The following PRKCE variants were observed in gnomAD, a reference collection of about 807,000 sequenced individuals.
PRKCE encodes protein kinase C epsilon type.
A neutral mutation model predicts 85.4 loss-of-function variants in PRKCE; 16 were observed. The observed-to-expected ratio is 0.19, with a 90% CI of 0.13 to 0.28. The LOEUF (loss-of-function observed/expected upper bound fraction) is 0.28, where lower values mean the gene tolerates loss of function less well. PRKCE is among the 10% of genes least tolerant of loss of function. PRKCE has a pLI of 1.00. For missense variants in PRKCE, 573 were observed against 975.2 expected, an observed-to-expected ratio of 0.59 and a Z score of 5.49; for synonymous variants, 388 against 371.5, an observed-to-expected ratio of 1.04 and a Z score of -0.51.
At chr2:46,081,524 G>A (rs1442323845) in intron 10 of PRKCE, among the ~76,000 whole-genome samples, 2 of 152,210 alleles carry the variant, frequency 1.3e-5, no homozygotes, top group African/African-American at 4.8e-5. Flanking sequence ...TGTGCTGAAT[G>A]CTACAACAGA....
In PRKCE at chr2:45,652,207, T is replaced by G; in HGVS notation, c.107T>G (p.Phe36Cys). The stretch of plus-strand genomic sequence containing the variant: ...GCGGTGGGACCCCGGCCGCAGACTT[T>G]CCTTCTCGACCCCTACATTGCCCTC... ...RHAVGPRPQT[F>C]LLDPYIALNV... Residue 36 changes from phenylalanine to cysteine, a missense_variant, in exon 1 of 15, where the codon TTC becomes TGC. By Grantham distance (205) the Phe-to-Cys change is radical. This residue lies in a region of PRKCE where 100 missense variants were observed against 177.1 expected (regional missense o/e 0.56). Coordinates refer to ENST00000306156, the MANE Select transcript of PRKCE (RefSeq NM_005400.3). The surrounding 1 kb of genome is among the most constrained non-coding windows in gnomAD (Gnocchi z 7.7). 1 of 1,613,516 alleles carries G rather than the reference T, an allele frequency of 6.2e-7. No individual in the cohort carries two copies. The highest frequency in any genetic ancestry group is 8.5e-7 in the Non-Finnish European group (1 of 1,179,952).
chr2:46,086,130 A>G (rs1669614818), intron 10 of PRKCE, 78 bp from the exon 11 acceptor site: 3 of 1,477,088 alleles, frequency 2.0e-6, no homozygotes, highest in East Asian at 2.3e-5. Context: ...GTAACCTTAC[A>G]CTGAGCTCAC....
chr2:46,128,255 T>C (rs1374213261), intron 11 of PRKCE, among the ~76,000 whole-genome samples: 1 of 152,248 alleles, frequency 6.6e-6, no homozygotes, highest in Non-Finnish European at 1.5e-5. Context: ...TATTCGAATC[T>C]GTTTACATGA....
At chr2:46,044,210 A>G (rs1329076178) in intron 10 of PRKCE, among the ~76,000 whole-genome samples, 1 of 152,232 alleles carries the variant, frequency 6.6e-6, no homozygotes, top group South Asian at 2.1e-4. Context: ...TGGGTACAGA[A>G]TGTTTGTTGA....
chr2:46,071,726 G>A lies in PRKCE; in HGVS notation c.1438-14482G>A, dbSNP rs13430181. On this transcript the variant is annotated intron_variant, in intron 10 of 14. Coordinates refer to ENST00000306156, the MANE Select transcript of PRKCE (RefSeq NM_005400.3). ...ACATTACCCACTCTGTTTAGATAAC[G>A]AATTTATGTGTTTAGAGAGACCAGC... is the stretch of plus-strand genomic sequence containing the variant. Among the ~76,000 whole-genome samples the A allele has an allele frequency of 9.0e-3, 1,371 of 152,268 alleles. 20 individuals carry two copies. Among genetic ancestry groups the A allele is most frequent in the African/African-American group, 0.031 (1,291 of 41,550 alleles).
chr2:45,748,552 A>G (rs1013759810), intron 1 of PRKCE, among the ~76,000 whole-genome samples: 3 of 148,056 alleles, frequency 2.0e-5, no homozygotes, highest in Non-Finnish European at 4.5e-5. Flanking sequence ...AGATCTCGGT[A>G]TGACTCAAAT....
At chr2:46,156,554 A>G (rs1328927505) in intron 13 of PRKCE, among the ~76,000 whole-genome samples, 1 of 152,376 alleles carries the variant, frequency 6.6e-6, no homozygotes, top group East Asian at 1.9e-4. Context: ...ACCGATGAGT[A>G]CAGGGCACCT....
intron 10 of PRKCE, among the ~76,000 whole-genome samples, chr2:46,012,319 T>C (rs1705755608): frequency 6.6e-6 from 1 of 152,208 alleles, no homozygotes; most frequent in East Asian, 1.9e-4. Flanking sequence ...TTTTTTTTCT[T>C]TTCTTTCCTT....
chr2:45,980,174 T>G, intron 4 of PRKCE, 122 bp from the exon 5 acceptor site: 3 of 793,380 alleles, frequency 3.8e-6, no homozygotes, highest in Non-Finnish European at 6.0e-6. Context: ...GGTATTAAAT[T>G]AAGGCTCAGT....
At chr2:45,942,375 G>A (rs1304364058) in intron 2 of PRKCE, among the ~76,000 whole-genome samples, 1 of 152,174 alleles carries the variant, frequency 6.6e-6, no homozygotes, top group African/African-American at 2.4e-5. Context: ...AATTGTGCAA[G>A]TGAGAAAAAA....
intron 1 of PRKCE, among the ~76,000 whole-genome samples, chr2:45,692,098 C>T (rs893180525): frequency 4.6e-5 from 7 of 152,086 alleles, no homozygotes; most frequent in African/African-American, 1.4e-4. Flanking sequence ...TTCATGAATT[C>T]ACCAAGAAGT....
At position 46,113,293 on chromosome 2, in the gene PRKCE, G is replaced by A. The variant is rs530701751; in HGVS notation, c.1592+26931G>A. Reference sequence around the variant, plus strand: ...CTGTAGTTAAATGCAGAACTCTAAAGTCAGACATCCATGTGTTTGAATCCC... The same window carrying A: ...CTGTAGTTAAATGCAGAACTCTAAAATCAGACATCCATGTGTTTGAATCCC... On this transcript the variant is annotated intron_variant, in intron 11 of 14. Transcript: ENST00000306156. Among the ~76,000 whole-genome samples the A allele has an allele frequency of 7.9e-5, 12 of 152,294 alleles. No individual in the cohort carries two copies. In the South Asian group the frequency reaches 2.5e-3, roughly 32 times the overall value.
At chr2:45,917,733 C>T (rs1007793760) in intron 2 of PRKCE, among the ~76,000 whole-genome samples, 1 of 152,192 alleles carries the variant, frequency 6.6e-6, no homozygotes. Context: ...CGGCGCTCGT[C>T]GGGGAGGCTC....
intron 6 of PRKCE, among the ~76,000 whole-genome samples, chr2:45,987,305 C>A (rs1476845559): frequency 6.6e-6 from 1 of 152,042 alleles, no homozygotes; most frequent in Non-Finnish European, 1.5e-5. Context: ...GCCCAGGAAC[C>A]CGGAGGGAAT....
chr2:45,980,700 C>G (rs564302989), intron 5 of PRKCE, among the ~76,000 whole-genome samples: 1 of 152,136 alleles, frequency 6.6e-6, no homozygotes, highest in Non-Finnish European at 1.5e-5. Flanking sequence ...CAATGTGTCA[C>G]TAGCTCCTCA....
At chr2:45,844,843 GAATA>G (rs1242520973) in intron 2 of PRKCE, among the ~76,000 whole-genome samples, 1 of 152,152 alleles carries the variant, frequency 6.6e-6, no homozygotes, top group Non-Finnish European at 1.5e-5. Flanking sequence ...ACAAATGAAT[GAATA>G]AATAAATCAG....
chr2:46,093,599 G>A (rs1670397770), intron 11 of PRKCE, among the ~76,000 whole-genome samples: 2 of 150,216 alleles, frequency 1.3e-5, no homozygotes, highest in African/African-American at 4.9e-5. Flanking sequence ...TACAATGATA[G>A]CTCACTGCAA....
chr2:45,850,198 C>T (rs947663690), intron 2 of PRKCE, among the ~76,000 whole-genome samples: 1 of 152,180 alleles, frequency 6.6e-6, no homozygotes, highest in South Asian at 2.1e-4. Context: ...GCCTCCTTCC[C>T]CTCTGCCATT....
Position 46,018,336 on chromosome 2 carries a change from G to A in PRKCE, c.1437+7819G>A, listed in dbSNP as rs556757789. On this transcript the variant is annotated intron_variant, in intron 10 of 14. Coordinates refer to ENST00000306156, the MANE Select transcript of PRKCE (RefSeq NM_005400.3). ...GCTGAGGAACACAGGTGTGGGGAAA[G>A]GTAGGTAGGAGTCCCGGCCTTGTGA... 3.3e-5 allele frequency among the ~76,000 whole-genome samples: 5 copies of A among 152,298 alleles called. No individual in the cohort carries two copies. The East Asian group carries it at 9.6e-4, about 29-fold the overall frequency.
Sources: allele counts gnomAD v4.1 joint callset (sites outside exome capture counted in the v4.1 genomes callset), GRCh38; gene constraint gnomAD v4.1.1; regional missense constraint gnomAD v4.1.1; non-coding constraint Gnocchi (gnomAD v3.1); transcripts MANE v1.5; gene names NCBI Gene and HGNC (gene_info 2026-07-23, HGNC 2026-07-21).